Variants in ZNF670 observed in about 807,000 individuals in gnomAD.
ZNF670 encodes the protein zinc finger protein 670.
In ZNF670, 7 loss-of-function variants were observed where a neutral mutation model predicts 10.9. The observed-to-expected ratio is 0.64, with a 90% CI of 0.36 to 1.20. ZNF670 has a LOEUF of 1.20. ZNF670 is among the 50% of genes most tolerant of loss of function. The pLI, the probability that ZNF670 is intolerant of heterozygous loss-of-function variation, is 0.02. For missense variants in ZNF670, 446 were observed against 458.6 expected (o/e 0.97, Z 0.25); for synonymous variants, 136 against 152.7 (o/e 0.89, Z 0.81).
At chr1:247,043,825 C>T (rs1268388469) in intron 1 of ZNF670, 3 of 349,688 alleles carry the variant, frequency 8.6e-6, no homozygotes, top group Non-Finnish European at 1.7e-5. Context: ...AACCATAAGC[C>T]TCATCTGCCA....
rs113704226 is a variant in ZNF670, at chr1:247,036,525, G to C, written c.*924C>G. ...TAAAATTATATAATTAGCTGAGCAT[G>C]GTGGCATGTGTCTGTAGCTCCAGCT... On this transcript the variant is annotated 3_prime_UTR_variant, in exon 4 of 4. Transcript: ENST00000366503. 0.026 allele frequency among the ~76,000 whole-genome samples: 3,933 copies of C among 152,198 alleles called. 71 individuals carry two copies. The highest frequency in any genetic ancestry group is 0.039 in the Non-Finnish European group (2,633 of 68,012).
intron 1 of ZNF670, among the ~76,000 whole-genome samples, chr1:247,062,758 C>T (rs1291363175): frequency 2.6e-5 from 4 of 152,194 alleles, no homozygotes; most frequent in African/African-American, 9.7e-5. Context: ...AAAAGGTTAG[C>T]ATTTTAGATG....
At chr1:247,075,402 G>A (rs1671228276) in intron 1 of ZNF670, among the ~76,000 whole-genome samples, 1 of 152,148 alleles carries the variant, frequency 6.6e-6, no homozygotes, top group Non-Finnish European at 1.5e-5. Context: ...TTTTTCTGCA[G>A]CCATAATGGA....
At chr1:247,039,623 A>C (rs1453039639) in intron 1 of ZNF670, 86 bp from the exon 2 acceptor site, 1 of 1,346,300 alleles carries the variant, frequency 7.4e-7, no homozygotes, top group African/African-American at 1.5e-5. Context: ...ATCGTAACAT[A>C]ATTCTGCAGA....
chr1:247,041,096 C>A (rs1297045477), intron 1 of ZNF670, among the ~76,000 whole-genome samples: 1 of 152,174 alleles, frequency 6.6e-6, no homozygotes, highest in East Asian at 1.9e-4. Flanking sequence ...TTGGTACTAA[C>A]TGAAAAAGTA....
At chr1:247,055,074 G>C (rs1322243776) in intron 1 of ZNF670, among the ~76,000 whole-genome samples, 3 of 152,218 alleles carry the variant, frequency 2.0e-5, no homozygotes, top group African/African-American at 4.8e-5. Flanking sequence ...TCAGATAAAG[G>C]AACAAGGCCC....
Position 247,038,842 on chromosome 1 carries a change from T to C in ZNF670, c.159A>G (p.Gln53=). 6.2e-7 allele frequency: 1 copy of C among 1,613,124 alleles called. No individual in the cohort carries two copies. Among genetic ancestry groups the C allele is most frequent in the Non-Finnish European group, 8.5e-7 (1 of 1,179,532 alleles). ...VGNKSEDQNI[Q]DDFKNPGRNL... ...TTCTCCCAGGATTTTTGAAGTCATC[T>C]TGGATATTCTGGTCTTCTGATTTGT... Residue 53 remains glutamine (Q), a synonymous_variant, in exon 3 of 4, where the codon CAA becomes CAG. Transcript: ENST00000366503.
At chr1:247,078,494 G>A in intron 1 of ZNF670, 100 bp downstream of exon 1, 1 of 1,494,880 alleles carries the variant, frequency 6.7e-7, no homozygotes, top group Non-Finnish European at 9.2e-7. Context: ...AGGCGCCGGC[G>A]GAAACTCGGG....
intron 1 of ZNF670, among the ~76,000 whole-genome samples, chr1:247,078,273 T>C (rs1379274028): frequency 6.6e-6 from 1 of 152,162 alleles, no homozygotes; most frequent in African/African-American, 2.4e-5. Flanking sequence ...CCACAGCTCC[T>C]CCCACGCAGG....
chr1:247,037,174 A>C lies in ZNF670; in HGVS notation c.*275T>G. The stretch of plus-strand genomic sequence containing the variant: ...CTAAAGTATAGACACCTTCTTTAAC[A>C]ATGAACCACTGATAAAAATATATTT... On this transcript the variant is annotated 3_prime_UTR_variant, in exon 4 of 4. Transcript: ENST00000366503. The C allele has an allele frequency of 3.0e-6, 1 of 338,828 alleles. No homozygotes were observed. Among genetic ancestry groups the C allele is most frequent in the Non-Finnish European group, 5.3e-6 (1 of 188,814 alleles). 21.0% of individuals were successfully genotyped at this position (338,828 alleles called of 1,614,324 possible). A position where few individuals can be genotyped will look rare whatever the true frequency, so the allele number is the denominator to read the frequency against.
chr1:247,052,531 GT>G (rs1670620901), intron 1 of ZNF670, among the ~76,000 whole-genome samples: 4 of 151,974 alleles, frequency 2.6e-5, no homozygotes, highest in Admixed American at 1.3e-4. Flanking sequence ...CTTGCTTGTA[GT>G]TTTTTGGGTT....
rs61748726 is a variant in ZNF670 at position 247,038,289 on chromosome 1, T to C, written c.330A>G (p.Lys110=). 37,620 of 1,614,188 alleles carry C rather than the reference T, an allele frequency of 0.023. 529 individuals carry two copies. Among genetic ancestry groups the C allele is most frequent in the Non-Finnish European group, 0.027 (32,383 of 1,180,004 alleles). The change falls in exon 4 of 4, where the codon AAA becomes AAG. Residue 110 remains lysine, a synonymous_variant. Coordinates refer to ENST00000366503, the MANE Select transcript of ZNF670 (RefSeq NM_033213.5). ...VKPCECSVCG[K]VFICHSALHR... is the part of the protein sequence containing the mutation. ...GAAGGGCTGAATGACATATGAAGAC[T>C]TTTCCACACACACTGCATTCACATG...
chr1:247,062,149 G>A (rs1670873634), intron 1 of ZNF670, among the ~76,000 whole-genome samples: 1 of 152,144 alleles, frequency 6.6e-6, no homozygotes, highest in African/African-American at 2.4e-5. Flanking sequence ...AAATGAGAAA[G>A]TGATGTTTTG....
At chr1:247,042,722 C>G (rs941644776) in intron 1 of ZNF670, 2 of 366,596 alleles carry the variant, frequency 5.5e-6, no homozygotes, top group African/African-American at 2.1e-5. Flanking sequence ...ACAGACACTT[C>G]TGATTTCCAG....
Position 247,035,699 on chromosome 1 carries a change from A to G in ZNF670, c.*1750T>C, listed in dbSNP as rs1031221121. ...GTATACATGTAGACATGCTATATAT[A>G]CAGATGATGCTATACTATATGGTAT... is the stretch of plus-strand genomic sequence containing the variant. On this transcript the variant is annotated 3_prime_UTR_variant, in exon 4 of 4. Coordinates refer to ENST00000366503, the MANE Select transcript of ZNF670 (RefSeq NM_033213.5). Among the ~76,000 whole-genome samples the G allele has an allele frequency of 1.4e-4, 21 of 152,362 alleles. No individual in the cohort carries two copies. Among genetic ancestry groups the G allele is most frequent in the Admixed American group, 3.9e-4 (6 of 15,300 alleles).
intron 1 of ZNF670, among the ~76,000 whole-genome samples, chr1:247,045,160 A>G (rs1252016319): frequency 6.6e-6 from 1 of 152,218 alleles, no homozygotes; most frequent in Non-Finnish European, 1.5e-5. Flanking sequence ...GTACGTGTAT[A>G]GGAAAAACCA....
rs370648570 is a variant in ZNF670 at position 247,078,590 on chromosome 1, T to C, written c.3+4A>G. On this transcript the variant is annotated splice_donor_region_variant and intron_variant, in intron 1 of 3. Transcript: ENST00000366503. ...TTCCCGAGACACCTGGCCGGCACAC[T>C]CACCATTTCCCAGTCTCCGGTGTCT... 7 of 1,613,436 alleles carry C rather than the reference T, an allele frequency of 4.3e-6. No individual in the cohort carries two copies. The highest frequency in any genetic ancestry group is 5.9e-6 in the Non-Finnish European group (7 of 1,179,750).
rs1470262543 is a variant in ZNF670, at chr1:247,037,643, C to T, written c.976G>A (p.Glu326Lys). 2 of 1,613,954 alleles carry T rather than the reference C, an allele frequency of 1.2e-6. No homozygotes were observed. Among genetic ancestry groups the T allele is most frequent in the African/African-American group, 1.3e-5 (1 of 74,994 alleles). Residue 326 changes from glutamate (E) to lysine (K), a missense_variant, in exon 4 of 4, where the codon GAG becomes AAG. Coordinates refer to ENST00000366503, the MANE Select transcript of ZNF670 (RefSeq NM_033213.5). ...ACTCCAGTGTGAGTTCTTTCATGCT[C>T]ACATAGGTTACTAGAATATTTGAAG... is the stretch of plus-strand genomic sequence containing the variant. ...KAFKYSSNLC[E>K]HERTHTGVKP...
At position 247,038,703 on chromosome 1, in the gene ZNF670, GA is replaced by G. The variant is rs893291880; in HGVS notation, c.191+106del. The G allele has an allele frequency of 2.1e-3, 1,991 of 943,678 alleles. 4 individuals are homozygous for G. The highest frequency in any genetic ancestry group is 0.01 in the African/African-American group (605 of 59,022). The allele number at this position is 943,678 out of a possible 1,614,324, so 58.5% of individuals were successfully genotyped here. On this transcript the variant is annotated intron_variant, in intron 3 of 3. Coordinates refer to ENST00000366503, the MANE Select transcript of ZNF670 (RefSeq NM_033213.5). ...TGTATTTTTTGCTAAGACTTTTCTGGAAAAAAAAAATTTCTAGTGGTTCTTA... is the reference window on the plus strand; with the variant it reads ...TGTATTTTTTGCTAAGACTTTTCTGGAAAAAAAAATTTCTAGTGGTTCTTA...
Sources: gnomAD v4.1 joint callset for allele counts (sites outside exome capture counted in the v4.1 genomes callset) on GRCh38, gnomAD v4.1.1 for gene constraint, MANE v1.5 for transcripts, NCBI Gene and HGNC (gene_info 2026-07-23, HGNC 2026-07-21) for gene names.